The following ARHGEF18 variants were observed in gnomAD, a reference collection of about 807,000 sequenced individuals.
ARHGEF18 encodes Rho/Rac guanine nucleotide exchange factor 18, also known as rho guanine nucleotide exchange factor 18.
ARHGEF18 carries 93 observed loss-of-function variants against 155.7 expected under a neutral mutation model. The ratio of observed to expected loss-of-function variants is 0.60; its 90% CI spans 0.50 to 0.71. The LOEUF is 0.71. Among genes scored for constraint, ARHGEF18 ranks in the 30% least tolerant of loss-of-function variants. The pLI is 0.00. For synonymous variants in ARHGEF18, 742 were observed against 753.1 expected (o/e 0.99, Z 0.24); for missense variants, 1,593 against 1,816.1 (o/e 0.88, Z 2.23).
chr19:7,470,118 T>C lies in ARHGEF18; in HGVS notation c.3914-8T>C, dbSNP rs1440212519. 1 of 1,612,042 alleles carries C rather than the reference T, an allele frequency of 6.2e-7. No individual in the cohort carries two copies. Among genetic ancestry groups the C allele is most frequent in the Admixed American group, 1.7e-5 (1 of 59,948 alleles). On this transcript the variant is annotated splice_polypyrimidine_tract_variant and splice_region_variant and intron_variant, in intron 28 of 28. Transcript: ENST00000668164. The surrounding 1 kb of genome is among the most constrained non-coding windows in gnomAD (Gnocchi z 5.9). ...GACTGCTCAGTCTGAACCCTCTCTC[T>C]GTTCCAGACCCTGGCTTCCCCGCCC... is the stretch of plus-strand genomic sequence containing the variant.
chr19:7,430,534 A>G (rs1443231085), intron 10 of ARHGEF18, among the ~76,000 whole-genome samples: 1 of 152,182 alleles, frequency 6.6e-6, no homozygotes, highest in Non-Finnish European at 1.5e-5. Context: ...CAGGCCAGGC[A>G]TGGTGTTGCC....
chr19:7,468,551 T>G (rs1384963187), intron 26 of ARHGEF18, among the ~76,000 whole-genome samples: 1 of 152,176 alleles, frequency 6.6e-6, no homozygotes. Flanking sequence ...AAAACAAATC[T>G]ATAAACCATG....
intron 10 of ARHGEF18, among the ~76,000 whole-genome samples, chr19:7,433,368 G>A (rs773026116): frequency 4.6e-5 from 7 of 151,914 alleles, no homozygotes; most frequent in Non-Finnish European, 8.8e-5. Context: ...TCGGGAGGCT[G>A]AGGCAGGAGA....
At chr19:7,366,417 G>A (rs948743880) in intron 2 of ARHGEF18, among the ~76,000 whole-genome samples, 12 of 152,208 alleles carry the variant, frequency 7.9e-5, no homozygotes, top group African/African-American at 2.9e-4. Context: ...GAGCTCTCCA[G>A]CCTGCAGACT....
At chr19:7,443,197 C>T (rs1387848438) in intron 13 of ARHGEF18, among the ~76,000 whole-genome samples, 1 of 151,478 alleles carries the variant, frequency 6.6e-6, no homozygotes, top group Non-Finnish European at 1.5e-5. Context: ...GCTGGAATTA[C>T]AGGCGCCCAC....
chr19:7,349,541 G>T (rs1242408610), intron 1 of ARHGEF18, among the ~76,000 whole-genome samples: 1 of 152,054 alleles, frequency 6.6e-6, no homozygotes, highest in African/African-American at 2.4e-5. Context: ...ACTTTGGGAG[G>T]CTGAGGAGGG....
chr19:7,404,321 C>T (rs1032363646), intron 10 of ARHGEF18, among the ~76,000 whole-genome samples: 4 of 152,028 alleles, frequency 2.6e-5, no homozygotes, highest in African/African-American at 7.2e-5. Flanking sequence ...AGGGGCTTCT[C>T]GGGCTGCGTT....
chr19:7,395,175 C>A lies in ARHGEF18; in HGVS notation c.967+11972C>A, dbSNP rs1358176495. 18 of 985,930 alleles carry A rather than the reference C, an allele frequency of 1.8e-5. No individual in the cohort carries two copies. Among genetic ancestry groups the A allele is most frequent in the Non-Finnish European group, 2.0e-5 (17 of 830,446 alleles). 61.1% of individuals were successfully genotyped at this position (985,930 alleles called of 1,614,324 possible). A position where few individuals can be genotyped will look rare whatever the true frequency, so the allele number is the denominator to read the frequency against. On this transcript the variant is annotated intron_variant, in intron 10 of 28. Transcript: ENST00000668164. The surrounding 1 kb of genome is among the most constrained non-coding windows in gnomAD (Gnocchi z 5.0). ...CTACTGTGGATCTGGGGGGGCCGGA[C>A]GGAGGCATCGGAGGCGGCTGCGAGA...
At chr19:7,381,268 A>AT (rs1228852143) in intron 8 of ARHGEF18, among the ~76,000 whole-genome samples, 5 of 152,164 alleles carry the variant, frequency 3.3e-5, no homozygotes, top group African/African-American at 4.8e-5. Flanking sequence ...GGAAAAAAAA[A>AT]GAAACTAGAA....
In ARHGEF18 at chr19:7,462,240, C is replaced by G. The variant is rs200804761; in HGVS notation, c.2541C>G (p.Leu847=). The change falls in exon 21 of 29, where the codon CTC becomes CTG. Residue 847 remains leucine, a synonymous_variant. Transcript: ENST00000668164. This position sits in a 1 kb window ranked among gnomAD's most constrained non-coding sequence, Gnocchi z 4.4. ...IYLEMAEMGG[L]EDLPQPRGLF... Reference sequence around the variant, plus strand: ...TGGAGATGGCCGAGATGGGCGGCCTCGAAGACCTGCCCCAGCCCCGAGGCC... The same window carrying G: ...TGGAGATGGCCGAGATGGGCGGCCTGGAAGACCTGCCCCAGCCCCGAGGCC... 6 of 1,613,768 alleles carry G rather than the reference C, an allele frequency of 3.7e-6. No individual in the cohort carries two copies. In the East Asian group the frequency reaches 1.1e-4, roughly 30 times the overall value.
At chr19:7,402,550 AAG>A (rs1460224774) in intron 10 of ARHGEF18, among the ~76,000 whole-genome samples, 3 of 152,214 alleles carry the variant, frequency 2.0e-5, no homozygotes, top group Admixed American at 2.0e-4. Context: ...TATCTCAATA[AAG>A]CAGTTACAAA....
In ARHGEF18 at chr19:7,350,763, GGTGGGTGTGTGTGTGTGTGTGT is replaced by G. The variant is rs1267483516; in HGVS notation, c.-111+1526_-111+1547del. ...GTTAAAAGGCTGTTGAGTTTTTTGG[GGTGGGTGTGTGTGTGTGTGTGT>G]GTGTGTGTGTGTGTGTGTGTGTGTG... On this transcript the variant is annotated intron_variant, in intron 1 of 28. Coordinates refer to ENST00000668164, the MANE Select transcript of ARHGEF18 (RefSeq NM_001367823.1). Among the ~76,000 whole-genome samples the G allele has an allele frequency of 0.013, 1,740 of 133,248 alleles. 126 individuals are homozygous for G. In the East Asian group the frequency reaches 0.25, roughly 19 times the overall value. The allele number at this position is 133,248 out of a possible 152,430, so 87.4% of individuals were successfully genotyped here. A position where few individuals can be genotyped will look rare whatever the true frequency, so the allele number is the denominator to read the frequency against.
At chr19:7,461,410 C>T (rs1248250734) in intron 20 of ARHGEF18, among the ~76,000 whole-genome samples, 3 of 152,018 alleles carry the variant, frequency 2.0e-5, no homozygotes, top group African/African-American at 7.2e-5. Context: ...ATTAGCCAGG[C>T]ATGGTGGTGC....
chr19:7,466,817 A>AAAGTT, intron 23 of ARHGEF18, 101 bp from the exon 24 acceptor site: 4 of 1,098,346 alleles, frequency 3.6e-6, no homozygotes, highest in Middle Eastern at 2.4e-4. Context: ...AAAAAAAAAA[A>AAAGTT]AAAAAAAAAG....
chr19:7,422,599 G>A (rs1266805882), intron 10 of ARHGEF18, among the ~76,000 whole-genome samples: 1 of 151,654 alleles, frequency 6.6e-6, no homozygotes, highest in Non-Finnish European at 1.5e-5. Context: ...CACTATTGGC[G>A]ATCCCATCAT....
the ARHGEF18 span, among the ~76,000 whole-genome samples, chr19:7,479,510 C>A: frequency 6.6e-6 from 1 of 152,170 alleles, no homozygotes; most frequent in Non-Finnish European, 1.5e-5. Context: ...GCCCTGGGCG[C>A]CGGACCCAGG....
At chr19:7,384,560 G>A (rs1036576320) in intron 10 of ARHGEF18, among the ~76,000 whole-genome samples, 2 of 152,210 alleles carry the variant, frequency 1.3e-5, no homozygotes, top group African/African-American at 4.8e-5. Flanking sequence ...TGGCCATGGG[G>A]CTGGGGGTGG....
At chr19:7,458,270 G>C (rs1399027027) in intron 18 of ARHGEF18, among the ~76,000 whole-genome samples, 1 of 126,292 alleles carries the variant, frequency 7.9e-6, no homozygotes, top group East Asian at 2.4e-4. Context: ...CTGGGTGACA[G>C]AGCAAGACCT....
intron 10 of ARHGEF18, among the ~76,000 whole-genome samples, chr19:7,385,823 A>ATCTCTCTCTCTCTCTCTCTC (rs1288367668): frequency 9.5e-5 from 7 of 73,792 alleles, no homozygotes; most frequent in African/African-American, 3.7e-4. Flanking sequence ...GATAGGATCT[A>ATCTCTCTCTCTCTCTCTCTC]TCTCTCTCTA....
Sources: allele counts gnomAD v4.1 joint callset (sites outside exome capture counted in the v4.1 genomes callset), GRCh38; gene constraint gnomAD v4.1.1; non-coding constraint Gnocchi (gnomAD v3.1); transcripts MANE v1.5; gene names NCBI Gene and HGNC (gene_info 2026-07-23, HGNC 2026-07-21).